The following TAOK3 variants were observed in gnomAD, a reference collection of about 807,000 sequenced individuals.
TAOK3 encodes the protein TAO kinase 3.
Under a neutral mutation model 120.4 loss-of-function variants are expected in TAOK3, and 40 were observed. The ratio of observed to expected loss-of-function variants is 0.33; its 90% CI spans 0.26 to 0.43. TAOK3 has a LOEUF of 0.43. Ranked by LOEUF, TAOK3 falls within the 20% of genes least tolerant of loss-of-function variation. TAOK3 has a pLI of 1.00. For missense variants in TAOK3, 821 were observed against 1,112.1 expected (o/e 0.74, Z 3.72); for synonymous variants, 355 against 387.5 (o/e 0.92, Z 0.99).
chr12:118,256,183 TAG>T (rs1161009866), intron 2 of TAOK3: 1 of 152,096 alleles, frequency 6.6e-6, no homozygotes, highest in Admixed American at 6.5e-5. Context: ...CAAACATCAT[TAG>T]TTATTAGAGA....
In TAOK3 at chr12:118,214,078, C is replaced by T; in HGVS notation, c.676G>A (p.Ala226Thr). The T allele has an allele frequency of 3.7e-6, 6 of 1,609,188 alleles. No individual in the cohort carries two copies. The highest frequency in any genetic ancestry group is 5.1e-6 in the Non-Finnish European group (6 of 1,178,634). ...ERKPPLFNMN[A>T]MSALYHIAQN... The stretch of plus-strand genomic sequence containing the variant: ...GCAATGTGATATAAGGCACTCATTG[C>T]ATTCATGTTGAAAAGGGGCGGCTTC... The change falls in exon 10 of 21, where the codon GCA (alanine) becomes ACA (threonine). Residue 226 changes from alanine to threonine, a missense_variant. By Grantham distance (58) the Ala-to-Thr change is moderately conservative (BLOSUM62 0). This residue lies in a region of TAOK3 where 467 missense variants were observed against 540.0 expected (regional missense o/e 0.86). Coordinates refer to ENST00000392533, the MANE Select transcript of TAOK3 (RefSeq NM_016281.4).
Position 118,151,128 on chromosome 12 carries a change from C to T in TAOK3, c.2566G>A (p.Glu856Lys). The T allele has an allele frequency of 6.2e-7, 1 of 1,613,348 alleles. No individual in the cohort carries two copies. The highest frequency in any genetic ancestry group is 8.5e-7 in the Non-Finnish European group (1 of 1,179,946). ...AGGTTCTTTATTCTCTCGCTGCGTT[C>T]CTTCTGAAGGGCAGCCAGCTCCTCT... ...IEEELAALQK[E>K]RSERIKNLLE... The change falls in exon 21 of 21, where the codon GAA becomes AAA. Residue 856 changes from glutamate (E) to lysine (K), a missense_variant. By Grantham distance (56) the Glu-to-Lys change is moderately conservative (BLOSUM62 1). Transcript: ENST00000392533.
At chr12:118,320,411 G>C (rs1593530625) in intron 1 of TAOK3, among the ~76,000 whole-genome samples, 2 of 151,646 alleles carry the variant, frequency 1.3e-5, no homozygotes, top group East Asian at 1.9e-4. Flanking sequence ...GGACAACGTA[G>C]CAAGACATCA....
intron 20 of TAOK3, among the ~76,000 whole-genome samples, chr12:118,151,592 T>C (rs967948954): frequency 2.7e-4 from 41 of 152,128 alleles, no homozygotes; most frequent in African/African-American, 9.6e-4. Context: ...GTAATTTAGT[T>C]CTAGAACAGG....
chr12:118,344,106 T>C (rs1310783239), intron 1 of TAOK3, among the ~76,000 whole-genome samples: 2 of 151,430 alleles, frequency 1.3e-5, no homozygotes, highest in Admixed American at 6.6e-5. Context: ...TTTAGAACAT[T>C]GGCAATGGTC....
intron 19 of TAOK3, 54 bp from the exon 20 acceptor site, chr12:118,152,463 G>A: frequency 2.0e-6 from 3 of 1,534,994 alleles, no homozygotes; most frequent in Non-Finnish European, 2.6e-6. Flanking sequence ...AGCCCTTGGT[G>A]GCCTACAGCC....
At chr12:118,287,545 G>A (rs887754291) in intron 1 of TAOK3, among the ~76,000 whole-genome samples, 2 of 152,160 alleles carry the variant, frequency 1.3e-5, no homozygotes, top group Non-Finnish European at 1.5e-5. Context: ...ACCCTAAACT[G>A]GAAAACAGAA....
intron 1 of TAOK3, among the ~76,000 whole-genome samples, chr12:118,360,612 G>T (rs1190769641): frequency 6.7e-6 from 1 of 150,044 alleles, no homozygotes; most frequent in Non-Finnish European, 1.5e-5. Flanking sequence ...TTCAACAAAT[G>T]CTTACTAATT....
intron 9 of TAOK3, among the ~76,000 whole-genome samples, chr12:118,219,742 G>C (rs2039129146): frequency 7.5e-6 from 1 of 133,790 alleles, no homozygotes; most frequent in African/African-American, 2.8e-5. Context: ...TTATAGGCAT[G>C]AGCCATTAAG....
At chr12:118,276,628 G>T (rs866629102) in intron 1 of TAOK3, among the ~76,000 whole-genome samples, 8 of 152,214 alleles carry the variant, frequency 5.3e-5, no homozygotes, top group African/African-American at 1.4e-4. Flanking sequence ...CATGAACTGG[G>T]GGGGCGGAGC....
At chr12:118,254,994 C>T (rs1442847148) in intron 3 of TAOK3, among the ~76,000 whole-genome samples, 2 of 152,102 alleles carry the variant, frequency 1.3e-5, no homozygotes, top group Non-Finnish European at 2.9e-5. Context: ...GATCTCCTGA[C>T]CTCGTGATCT....
chr12:118,203,704 C>CGAA (rs2038147016), intron 11 of TAOK3, among the ~76,000 whole-genome samples: 1 of 127,132 alleles, frequency 7.9e-6, no homozygotes, highest in Non-Finnish European at 1.6e-5. Flanking sequence ...AACTCCATCT[C>CGAA]AAAAAAAAAA....
At chr12:118,369,318 T>TC (rs1315065882) in intron 1 of TAOK3, among the ~76,000 whole-genome samples, 1 of 152,188 alleles carries the variant, frequency 6.6e-6, no homozygotes, top group African/African-American at 2.4e-5. Context: ...CTACCTACTC[T>TC]CCTAACCCCC....
intron 2 of TAOK3, among the ~76,000 whole-genome samples, chr12:118,265,860 G>A (rs2041425662): frequency 6.6e-6 from 1 of 152,100 alleles, no homozygotes; most frequent in Non-Finnish European, 1.5e-5. Flanking sequence ...TTTGTAGCTT[G>A]TGTTTTATCT....
intron 16 of TAOK3, among the ~76,000 whole-genome samples, chr12:118,173,792 T>G (rs908024617): frequency 6.6e-6 from 1 of 152,236 alleles, no homozygotes; most frequent in Non-Finnish European, 1.5e-5. Context: ...CAGTATACTC[T>G]TCTTTCTTCA....
intron 17 of TAOK3, among the ~76,000 whole-genome samples, chr12:118,164,220 G>A (rs1435089895): frequency 5.3e-5 from 8 of 150,906 alleles, no homozygotes; most frequent in Middle Eastern, 3.4e-3. Context: ...CCAGCTACTC[G>A]GAAGGCTGAG....
At chr12:118,238,014 G>A in intron 7 of TAOK3, 59 bp downstream of exon 7, 1 of 1,167,012 alleles carries the variant, frequency 8.6e-7, no homozygotes, top group Non-Finnish European at 1.2e-6. Flanking sequence ...TAATTTTCAA[G>A]GTTCCTGGAA....
intron 3 of TAOK3, chr12:118,246,273 A>T: frequency 6.6e-7 from 1 of 1,519,982 alleles, no homozygotes; most frequent in Non-Finnish European, 9.0e-7. Context: ...GATGCCCGTC[A>T]CCAAGTTGGG....
chr12:118,239,491 A>C (rs562643689), intron 5 of TAOK3, among the ~76,000 whole-genome samples: 1 of 152,280 alleles, frequency 6.6e-6, no homozygotes, highest in East Asian at 1.9e-4. Context: ...CCTAAAGATT[A>C]TTGGGGGACT....
Sources: gnomAD v4.1 joint callset for allele counts (sites outside exome capture counted in the v4.1 genomes callset) on GRCh38, gnomAD v4.1.1 for gene constraint, gnomAD v4.1.1 regional missense constraint, MANE v1.5 for transcripts, NCBI Gene and HGNC (gene_info 2026-07-23, HGNC 2026-07-21) for gene names.